Variants in UBE2W observed in about 807,000 individuals in gnomAD.
UBE2W encodes ubiquitin-conjugating enzyme E2 W.
UBE2W carries 18 observed loss-of-function variants against 27.2 expected under a neutral mutation model. The ratio of observed to expected loss-of-function variants is 0.66; its 90% CI spans 0.46 to 0.98. UBE2W has a LOEUF of 0.98. Ranked by LOEUF, UBE2W falls within the 50% of genes least tolerant of loss-of-function variation. UBE2W has a pLI of 0.00. For missense variants in UBE2W, 90 were observed against 180.2 expected (o/e 0.50, Z 2.87); for synonymous variants, 53 against 57.2 (o/e 0.93, Z 0.33).
At position 73,786,682 on chromosome 8, in the gene UBE2W, T is replaced by G; in HGVS notation, c.*7420A>C. On this transcript the variant is annotated 3_prime_UTR_variant, in exon 6 of 6. Transcript: ENST00000602593. ...GCTACTGCTTATGAAACAAGGTTTG[T>G]GGACAGCTGAAGAGCAGCCTAGGGA... is the stretch of plus-strand genomic sequence containing the variant. 1.0e-6 allele frequency: 1 copy of G among 985,384 alleles called. No individual in the cohort carries two copies. The highest frequency in any genetic ancestry group is 1.7e-5 in the African/African-American group (1 of 57,338). 61.0% of individuals were successfully genotyped at this position (985,384 alleles called of 1,614,324 possible). A position where few individuals can be genotyped will look rare whatever the true frequency, so the allele number is the denominator to read the frequency against.
chr8:73,786,613 C>A lies in UBE2W; in HGVS notation c.*7489G>T. ...GGTAGAAACGCAGATCATGAACATTCTAGGAGGGAAGAACATTAGCAGACG... is the reference window on the plus strand; with the variant it reads ...GGTAGAAACGCAGATCATGAACATTATAGGAGGGAAGAACATTAGCAGACG... On this transcript the variant is annotated 3_prime_UTR_variant, in exon 6 of 6. Coordinates refer to ENST00000602593, the MANE Select transcript of UBE2W (RefSeq NM_018299.6). 2.0e-6 allele frequency: 2 copies of A among 985,372 alleles called. No individual in the cohort carries two copies. Among genetic ancestry groups the A allele is most frequent in the African/African-American group, 3.5e-5 (2 of 57,336 alleles). The allele number at this position is 985,372 out of a possible 1,614,324, so 61.0% of individuals were successfully genotyped here.
At chr8:73,846,982 G>A (rs1243250588) in intron 1 of UBE2W, among the ~76,000 whole-genome samples, 3 of 151,990 alleles carry the variant, frequency 2.0e-5, no homozygotes, top group Non-Finnish European at 4.4e-5. Context: ...AGACCATACC[G>A]GCTAACAAAA....
chr8:73,838,437 C>G (rs1285682437), intron 1 of UBE2W, among the ~76,000 whole-genome samples: 1 of 152,106 alleles, frequency 6.6e-6, no homozygotes, highest in Non-Finnish European at 1.5e-5. Context: ...ATATGCGACC[C>G]TAAACTTAAG....
At chr8:73,849,117 T>A (rs1191304088) in intron 1 of UBE2W, among the ~76,000 whole-genome samples, 2 of 152,212 alleles carry the variant, frequency 1.3e-5, no homozygotes, top group Admixed American at 6.5e-5. Flanking sequence ...GTGTTAACAC[T>A]GTTTCTTTCT....
At position 73,791,476 on chromosome 8, in the gene UBE2W, G is replaced by A. The variant is rs975747964; in HGVS notation, c.*2626C>T. The A allele has an allele frequency of 3.8e-5, 37 of 985,074 alleles. No homozygotes were observed. Among genetic ancestry groups the A allele is most frequent in the Non-Finnish European group, 4.5e-5 (37 of 829,828 alleles). 61.0% of individuals were successfully genotyped at this position (985,074 alleles called of 1,614,324 possible). ...CTATGTCGCAAATAGTGCCCCACGA[G>A]GAAATGCAGGGAGGAGGCAAGTAGC... On this transcript the variant is annotated 3_prime_UTR_variant, in exon 6 of 6. Coordinates refer to ENST00000602593, the MANE Select transcript of UBE2W (RefSeq NM_018299.6).
At chr8:73,869,873 A>G (rs1330427300) in intron 1 of UBE2W, among the ~76,000 whole-genome samples, 13 of 152,180 alleles carry the variant, frequency 8.5e-5, no homozygotes, top group Admixed American at 8.5e-4. Context: ...CCTGTCTCAA[A>G]CAAACAGCTA....
chr8:73,858,979 CGT>C (rs59095956), intron 1 of UBE2W, among the ~76,000 whole-genome samples: 57,666 of 125,270 alleles, frequency 0.46, 12,874 homozygotes, highest in East Asian at 0.66. Flanking sequence ...GGGGTTTTTG[CGT>C]GTGTGTGTGT....
intron 2 of UBE2W, among the ~76,000 whole-genome samples, chr8:73,825,740 G>A (rs1809810455): frequency 6.6e-6 from 1 of 152,178 alleles, no homozygotes; most frequent in Non-Finnish European, 1.5e-5. Context: ...GGCAGAGGTT[G>A]CAGTGAGCCA....
chr8:73,878,496 C>CGT (rs1174588977), intron 1 of UBE2W, among the ~76,000 whole-genome samples: 14 of 152,250 alleles, frequency 9.2e-5, no homozygotes, highest in East Asian at 7.7e-4. Flanking sequence ...TGGCAGCGCC[C>CGT]GTGTGTGTGT....
chr8:73,865,717 T>TA (rs1811724198), intron 1 of UBE2W, among the ~76,000 whole-genome samples: 27 of 152,208 alleles, frequency 1.8e-4, no homozygotes, highest in Admixed American at 1.7e-3. Flanking sequence ...TCTCTCTATA[T>TA]ATTTTTAAAA....
At chr8:73,855,398 T>TTTC (rs1254821039) in intron 1 of UBE2W, among the ~76,000 whole-genome samples, 1 of 136,372 alleles carries the variant, frequency 7.3e-6, no homozygotes, top group African/African-American at 2.9e-5. Context: ...TACTTTCTTT[T>TTTC]TTTTTTTTTT....
chr8:73,810,076 G>A (rs1809090985), intron 4 of UBE2W, among the ~76,000 whole-genome samples: 1 of 152,122 alleles, frequency 6.6e-6, no homozygotes, highest in African/African-American at 2.4e-5. Flanking sequence ...CCCTGAAACA[G>A]GTTGATCGGG....
chr8:73,871,326 G>A (rs778920343), intron 1 of UBE2W, among the ~76,000 whole-genome samples: 4 of 152,150 alleles, frequency 2.6e-5, no homozygotes, highest in Non-Finnish European at 4.4e-5. Flanking sequence ...TACCAACATG[G>A]GGAGTACTAC....
chr8:73,803,337 C>A (rs537598094), intron 5 of UBE2W, among the ~76,000 whole-genome samples: 2 of 152,284 alleles, frequency 1.3e-5, no homozygotes, highest in African/African-American at 4.8e-5. Flanking sequence ...ACTAAATAAT[C>A]CTTCCCCTTA....
At chr8:73,817,710 A>G (rs1447213225) in intron 3 of UBE2W, among the ~76,000 whole-genome samples, 5 of 152,016 alleles carry the variant, frequency 3.3e-5, no homozygotes, top group Non-Finnish European at 7.4e-5. Context: ...TATGGGTTTC[A>G]CCATGTTGGC....
intron 1 of UBE2W, among the ~76,000 whole-genome samples, 181 bp from the exon 2 acceptor site, chr8:73,830,653 A>AT (rs112633533): frequency 0.058 from 8,600 of 149,456 alleles, 800 homozygotes; most frequent in African/African-American, 0.2. Flanking sequence ...TGCCCAGCTA[A>AT]TTTTTTTTTT....
At chr8:73,858,340 GAC>G (rs1008703364) in intron 1 of UBE2W, among the ~76,000 whole-genome samples, 2 of 127,372 alleles carry the variant, frequency 1.6e-5, no homozygotes, top group African/African-American at 3.0e-5. Flanking sequence ...CAGCCTGGGT[GAC>G]AGAGCAAGAC....
chr8:73,789,177 A>T lies in UBE2W; in HGVS notation c.*4925T>A, dbSNP rs959979962. 4 of 984,982 alleles carry T rather than the reference A, an allele frequency of 4.1e-6. No individual in the cohort carries two copies. In the African/African-American group the frequency reaches 7.0e-5, roughly 17 times the overall value. The allele number at this position is 984,982 out of a possible 1,614,324, so 61.0% of individuals were successfully genotyped here. Reference sequence around the variant, plus strand: ...TAATGATGTACATAAACCTGTCTTAAATCGGCAAACAGACGAGGCATGGTG... The same window carrying T: ...TAATGATGTACATAAACCTGTCTTATATCGGCAAACAGACGAGGCATGGTG... On this transcript the variant is annotated 3_prime_UTR_variant, in exon 6 of 6. Transcript: ENST00000602593.
At chr8:73,878,574 C>T (rs1812341743) in intron 1 of UBE2W, among the ~76,000 whole-genome samples, 1 of 152,210 alleles carries the variant, frequency 6.6e-6, no homozygotes, top group Non-Finnish European at 1.5e-5. Flanking sequence ...TCCTTTATCA[C>T]CCAACTTCCC....
Sources: gnomAD v4.1 joint callset for allele counts (sites outside exome capture counted in the v4.1 genomes callset) on GRCh38, gnomAD v4.1.1 for gene constraint, MANE v1.5 for transcripts, NCBI Gene and HGNC (gene_info 2026-07-23, HGNC 2026-07-21) for gene names.